Variants in ANKS1B observed in about 807,000 individuals in gnomAD.
ANKS1B encodes the protein ankyrin repeat and sterile alpha motif domain-containing protein 1B.
Under a neutral mutation model 148.3 loss-of-function variants are expected in ANKS1B, and 36 were observed. The ratio of observed to expected loss-of-function variants is 0.24; its 90% CI spans 0.19 to 0.32. ANKS1B has a LOEUF of 0.32. Among genes scored for constraint, ANKS1B ranks in the 10% least tolerant of loss-of-function variants. The pLI, the probability that ANKS1B is intolerant of heterozygous loss-of-function variation, is 1.00. For synonymous variants in ANKS1B, 542 were observed against 560.8 expected, an observed-to-expected ratio of 0.97 and a Z score of 0.47; for missense variants, 1,157 against 1,542.6, an observed-to-expected ratio of 0.75 and a Z score of 4.19.
At chr12:99,188,140 G>C (rs914252789) in intron 14 of ANKS1B, among the ~76,000 whole-genome samples, 1 of 152,146 alleles carries the variant, frequency 6.6e-6, no homozygotes, top group Non-Finnish European at 1.5e-5. Context: ...AACAAAAAGA[G>C]CTAACTATTC....
intron 9 of ANKS1B, among the ~76,000 whole-genome samples, chr12:99,604,150 C>T (rs2153306025): frequency 6.6e-6 from 1 of 152,128 alleles, no homozygotes; most frequent in Non-Finnish European, 1.5e-5. Context: ...TCATTATAAC[C>T]AGCAAATGAC....
intron 1 of ANKS1B, among the ~76,000 whole-genome samples, chr12:99,827,331 G>C (rs1310537095): frequency 6.6e-6 from 1 of 151,624 alleles, no homozygotes; most frequent in East Asian, 1.9e-4. Flanking sequence ...AAAATATACG[G>C]AATCTGAAAA....
intron 8 of ANKS1B, among the ~76,000 whole-genome samples, chr12:99,762,970 A>G (rs140340067): frequency 1.3e-5 from 2 of 152,206 alleles, no homozygotes; most frequent in African/African-American, 4.8e-5. Context: ...CACAATGACT[A>G]TTATTAAAAA....
rs939915439 is a variant in ANKS1B at position 98,745,221 on chromosome 12, G to T, written c.*518C>A. 5.1e-6 allele frequency: 5 copies of T among 985,584 alleles called. No homozygotes were observed. The highest frequency in any genetic ancestry group is 5.2e-4 in the Middle Eastern group (1 of 1,936). The allele number at this position is 985,584 out of a possible 1,614,324, so 61.1% of individuals were successfully genotyped here. On this transcript the variant is annotated 3_prime_UTR_variant, in exon 27 of 27. Coordinates refer to ENST00000683438, the MANE Select transcript of ANKS1B (RefSeq NM_001352186.2). ...GAATCTCCTGGCAATCATATCACGG[G>T]AGTTGTTTTTGTCCTTTTGCATTAA...
At chr12:99,463,771 TA>T (rs1328385653) in intron 10 of ANKS1B, among the ~76,000 whole-genome samples, 2 of 152,046 alleles carry the variant, frequency 1.3e-5, no homozygotes, top group African/African-American at 2.4e-5. Context: ...CTTGCTTAGG[TA>T]AACAAAGCAG....
In ANKS1B at chr12:99,928,530, G is replaced by A. The variant is rs549770009; in HGVS notation, c.134+55574C>T. On this transcript the variant is annotated intron_variant, in intron 1 of 26. Transcript: ENST00000683438. ...CCTGACCTCATGATCCACCCGCCTC[G>A]GCCTCCCAAAGTGCTGGGATTACAG... 1.7e-4 allele frequency among the ~76,000 whole-genome samples: 26 copies of A among 151,606 alleles called. No homozygotes were observed. In the South Asian group the frequency reaches 1.9e-3, roughly 11 times the overall value.
intron 9 of ANKS1B, among the ~76,000 whole-genome samples, chr12:99,550,466 A>G (rs57357978): frequency 0.059 from 9,014 of 152,096 alleles, 372 homozygotes; most frequent in East Asian, 0.23. Context: ...TCTACTAAAA[A>G]TATACAAGTT....
chr12:99,254,207 C>T lies in ANKS1B; in HGVS notation c.1757-7343G>A, dbSNP rs12300739. Among the ~76,000 whole-genome samples, 553 of 152,260 alleles carry T rather than the reference C, an allele frequency of 3.6e-3. 5 individuals carry two copies. Among genetic ancestry groups the T allele is most frequent in the African/African-American group, 0.013 (532 of 41,532 alleles). ...GTATTAACTTTCTGATTTGGTTGCA[C>T]GGTGGTTCTGTGGTTGTGTAAGAAT... On this transcript the variant is annotated intron_variant, in intron 12 of 26. Transcript: ENST00000683438.
intron 12 of ANKS1B, among the ~76,000 whole-genome samples, chr12:99,320,377 G>A (rs1020308693): frequency 1.3e-5 from 2 of 152,146 alleles, no homozygotes; most frequent in African/African-American, 4.8e-5. Flanking sequence ...ACTTTTTGGA[G>A]GCTTTGTTCA....
In ANKS1B at chr12:98,745,375, C is replaced by CT. The variant is rs71305587; in HGVS notation, c.*363dup. The CT allele has an allele frequency of 0.014, 12,841 of 902,310 alleles. 8 individuals are homozygous for CT. Among genetic ancestry groups the CT allele is most frequent in the African/African-American group, 0.015 (619 of 41,722 alleles). 55.9% of individuals were successfully genotyped at this position (902,310 alleles called of 1,614,324 possible). On this transcript the variant is annotated 3_prime_UTR_variant, in exon 27 of 27. Coordinates refer to ENST00000683438, the MANE Select transcript of ANKS1B (RefSeq NM_001352186.2). ...TAGGCAGTATTAGAGATCCCCTTTA[C>CT]TTTTTTTTTTTTTTTTTTTTTTTTA...
intron 12 of ANKS1B, among the ~76,000 whole-genome samples, chr12:99,378,668 A>AAG (rs1555408274): frequency 4.1e-5 from 6 of 146,198 alleles, no homozygotes; most frequent in African/African-American, 1.3e-4. Context: ...AAAAAAAAAA[A>AAG]AAAAAGAAAA....
intron 14 of ANKS1B, among the ~76,000 whole-genome samples, chr12:99,186,437 T>C (rs2079867888): frequency 6.6e-6 from 1 of 152,158 alleles, no homozygotes; most frequent in South Asian, 2.1e-4. Flanking sequence ...CCATGCCTCC[T>C]GACTGAGAGA....
intron 12 of ANKS1B, among the ~76,000 whole-genome samples, chr12:99,282,097 G>A (rs1010883459): frequency 6.6e-6 from 1 of 152,114 alleles, no homozygotes; most frequent in Non-Finnish European, 1.5e-5. Context: ...AAGGAAGATG[G>A]GTGTGTTGTG....
At position 99,636,847 on chromosome 12, in the gene ANKS1B, T is replaced by C. The variant is rs112660560; in HGVS notation, c.1272+18220A>G. ...TTCCAAATATGGCATCCACTAGTAA[T>C]AAGAATTTAATGTTTTAAAATACAC... On this transcript the variant is annotated intron_variant, in intron 9 of 26. Coordinates refer to ENST00000683438, the MANE Select transcript of ANKS1B (RefSeq NM_001352186.2). 1.3e-3 allele frequency among the ~76,000 whole-genome samples: 203 copies of C among 152,312 alleles called. 1 individual carries two copies. The highest frequency in any genetic ancestry group is 4.3e-3 in the African/African-American group (178 of 41,572).
chr12:98,928,389 T>C (rs904271911), intron 17 of ANKS1B, among the ~76,000 whole-genome samples: 4 of 151,872 alleles, frequency 2.6e-5, no homozygotes, highest in African/African-American at 9.7e-5. Flanking sequence ...TCATAAGTTC[T>C]ACCAAAAAAT....
chr12:99,040,285 T>C (rs1293007391), intron 17 of ANKS1B, among the ~76,000 whole-genome samples: 3 of 152,208 alleles, frequency 2.0e-5, no homozygotes, highest in Non-Finnish European at 4.4e-5. Context: ...CGTGTGTGTG[T>C]GTGTGTGTGT....
chr12:99,653,669 T>C (rs1180887959), intron 9 of ANKS1B, among the ~76,000 whole-genome samples: 2 of 138,496 alleles, frequency 1.4e-5, no homozygotes, highest in East Asian at 2.5e-4. Context: ...TCTCTTCCTT[T>C]CTTTCTTTCT....
At chr12:99,509,886 A>G (rs74240136) in intron 9 of ANKS1B, among the ~76,000 whole-genome samples, 3,907 of 152,114 alleles carry the variant, frequency 0.026, 79 homozygotes, top group South Asian at 0.087. Context: ...GTTAGGGGCT[A>G]GTGCAGTTGA....
chr12:98,798,210 C>A (rs530948508), intron 22 of ANKS1B, among the ~76,000 whole-genome samples: 1 of 151,554 alleles, frequency 6.6e-6, no homozygotes, highest in Non-Finnish European at 1.5e-5. Flanking sequence ...GCAAGCTCTG[C>A]CTTCAGGTTC....
Sources: allele counts gnomAD v4.1 joint callset (sites outside exome capture counted in the v4.1 genomes callset), GRCh38; gene constraint gnomAD v4.1.1; transcripts MANE v1.5; gene names NCBI Gene and HGNC (gene_info 2026-07-23, HGNC 2026-07-21).